C8orf88: variants seen among roughly 807,000 people sequenced by gnomAD.
The protein encoded by C8orf88 is chromosome 8 open reading frame 88.
In C8orf88, 14 loss-of-function variants were observed where a neutral mutation model predicts 18.4. The ratio of observed to expected loss-of-function variants is 0.76; its 90% confidence interval spans 0.50 to 1.19. C8orf88 has a LOEUF of 1.19. Ranked by LOEUF, C8orf88 falls within the 50% of genes most tolerant of loss-of-function variation. The pLI, the probability that C8orf88 is intolerant of heterozygous loss-of-function variation, is 0.00. For synonymous variants in C8orf88, 45 were observed against 42.9 expected (o/e 1.05, Z -0.19); for missense variants, 116 against 134.7 (o/e 0.86, Z 0.69).
chr8:90,968,727 A>G (rs76252227), intron 4 of C8orf88, among the ~76,000 whole-genome samples: 5,186 of 138,726 alleles, frequency 0.037, 391 homozygotes, highest in African/African-American at 0.13. Context: ...GGAGAATAAT[A>G]GATAATAGAT....
intron 4 of C8orf88, among the ~76,000 whole-genome samples, chr8:90,969,912 A>T (rs1338539426): frequency 6.6e-6 from 1 of 151,934 alleles, no homozygotes; most frequent in Non-Finnish European, 1.5e-5. Context: ...CAACTAGTCC[A>T]TATTGGAATA....
At chr8:90,976,956 T>C (rs1460366898) in intron 3 of C8orf88, among the ~76,000 whole-genome samples, 2 of 152,080 alleles carry the variant, frequency 1.3e-5, no homozygotes, top group Non-Finnish European at 2.9e-5. Flanking sequence ...CATTAATATT[T>C]AAAACTTTTA....
chr8:90,976,452 T>C (rs981735519), intron 3 of C8orf88, among the ~76,000 whole-genome samples: 18 of 152,230 alleles, frequency 1.2e-4, no homozygotes, highest in African/African-American at 4.1e-4. Flanking sequence ...TTTTTACATA[T>C]AAAGTGAAAG....
intron 4 of C8orf88, among the ~76,000 whole-genome samples, chr8:90,962,547 A>C (rs372362022): frequency 3.6e-4 from 54 of 151,700 alleles, no homozygotes; most frequent in African/African-American, 1.2e-3. Context: ...AAAATAGCTA[A>C]ATTTGGGAAA....
At chr8:90,968,437 G>C (rs963327410) in intron 4 of C8orf88, among the ~76,000 whole-genome samples, 1 of 151,146 alleles carries the variant, frequency 6.6e-6, no homozygotes, top group African/African-American at 2.4e-5. Context: ...ACTCAAAATA[G>C]ATAAAAGACC....
At chr8:90,981,510 T>C (rs1306492469) in intron 1 of C8orf88, among the ~76,000 whole-genome samples, 1 of 152,122 alleles carries the variant, frequency 6.6e-6, no homozygotes, top group African/African-American at 2.4e-5. Context: ...TTAAATAAAA[T>C]AGTCTACATG....
In C8orf88 at chr8:90,960,835, G is replaced by A. The variant is rs890163996; in HGVS notation, c.237C>T (p.Tyr79=). Residue 79 remains tyrosine (Y), a synonymous_variant, in exon 5 of 6, where the codon TAC becomes TAT. Transcript: ENST00000517562. Reference sequence around the variant, plus strand: ...AGAGCTTCAACAGGAAATCTCTGCTGTATTTAATTCTCTCTGTAGATATTA... The same window carrying A: ...AGAGCTTCAACAGGAAATCTCTGCTATATTTAATTCTCTCTGTAGATATTA... ...QSPVKKERIK[Y]SRDFLLKLSS... 15 of 1,523,304 alleles carry A rather than the reference G, an allele frequency of 9.8e-6. No individual in the cohort carries two copies. The highest frequency in any genetic ancestry group is 1.4e-5 in the African/African-American group (1 of 72,568). The allele number at this position is 1,523,304 out of a possible 1,614,324, so 94.4% of individuals were successfully genotyped here.
At chr8:90,978,825 A>T (rs1020568430) in intron 2 of C8orf88, among the ~76,000 whole-genome samples, 173 bp from the exon 3 acceptor site, 1 of 152,204 alleles carries the variant, frequency 6.6e-6, no homozygotes, top group African/African-American at 2.4e-5. Context: ...CTGTGTTAAA[A>T]GGATGGACAC....
At chr8:90,963,857 A>C (rs1226449502) in intron 4 of C8orf88, among the ~76,000 whole-genome samples, 1 of 151,664 alleles carries the variant, frequency 6.6e-6, no homozygotes. Flanking sequence ...AAATAATGGG[A>C]GTCCCAGGAG....
At chr8:90,972,763 G>A (rs946050430) in intron 3 of C8orf88, among the ~76,000 whole-genome samples, 1 of 152,056 alleles carries the variant, frequency 6.6e-6, no homozygotes, top group Admixed American at 6.6e-5. Flanking sequence ...AGAAACAGCT[G>A]AGCTAGGTTT....
At chr8:90,973,788 A>G (rs1217774447) in intron 3 of C8orf88, among the ~76,000 whole-genome samples, 1 of 152,046 alleles carries the variant, frequency 6.6e-6, no homozygotes, top group African/African-American at 2.4e-5. Context: ...TGGCCCTTTT[A>G]TATTCTATAG....
chr8:90,968,738 A>G (rs1811241946), intron 4 of C8orf88, among the ~76,000 whole-genome samples: 1 of 143,902 alleles, frequency 6.9e-6, no homozygotes, highest in Non-Finnish European at 1.5e-5. Context: ...GATAATAGAT[A>G]AGAGTCTAAT....
At chr8:90,971,475 T>C (rs989021800) in intron 3 of C8orf88, among the ~76,000 whole-genome samples, 1 of 152,102 alleles carries the variant, frequency 6.6e-6, no homozygotes, top group African/African-American at 2.4e-5. Flanking sequence ...ATTTAATTGA[T>C]GAAAACAACA....
chr8:90,968,278 C>T (rs1022172912), intron 4 of C8orf88, among the ~76,000 whole-genome samples: 6 of 151,618 alleles, frequency 4.0e-5, no homozygotes, highest in Non-Finnish European at 3.0e-5. Context: ...TAAACACATA[C>T]ACCTATAGTC....
upstream of C8orf88, chr8:90,985,344 C>T (rs1029991327): frequency 2.0e-5 from 3 of 151,430 alleles, no homozygotes; most frequent in Admixed American, 2.0e-4. Context: ...GGCGTGGCCT[C>T]GGGCGCTGAG....
Position 90,978,666 on chromosome 8 carries a change from AAG to A in C8orf88, c.74-16_74-15del, listed in dbSNP as rs1811388473. 1 of 1,453,698 alleles carries A rather than the reference AAG, an allele frequency of 6.9e-7. No individual in the cohort carries two copies. Among genetic ancestry groups the A allele is most frequent in the African/African-American group, 1.4e-5 (1 of 70,436 alleles). The allele number at this position is 1,453,698 out of a possible 1,614,324, so 90.0% of individuals were successfully genotyped here. A position where few individuals can be genotyped will look rare whatever the true frequency, so the allele number is the denominator to read the frequency against. ...GGAACACTGCTCCTGTTAGGAGAGG[AAG>A]AAAACAATTTCATAGATCTATTATT... is the stretch of plus-strand genomic sequence containing the variant. On this transcript the variant is annotated splice_polypyrimidine_tract_variant and intron_variant, in intron 2 of 5. Transcript: ENST00000517562.
At chr8:90,968,530 G>C (rs1256835986) in intron 4 of C8orf88, among the ~76,000 whole-genome samples, 1 of 150,724 alleles carries the variant, frequency 6.6e-6, no homozygotes, top group Non-Finnish European at 1.5e-5. Flanking sequence ...TGATTTGTTA[G>C]ATATGACACC....
At chr8:90,976,805 C>G (rs1333763029) in intron 3 of C8orf88, among the ~76,000 whole-genome samples, 2 of 152,012 alleles carry the variant, frequency 1.3e-5, no homozygotes, top group East Asian at 3.8e-4. Flanking sequence ...AAAAAATCAC[C>G]TTGAGGTAGA....
At chr8:90,982,777 T>C (rs532949344) in intron 1 of C8orf88, among the ~76,000 whole-genome samples, 1 of 152,190 alleles carries the variant, frequency 6.6e-6, no homozygotes, top group South Asian at 2.1e-4. Flanking sequence ...TTTTTTAAAG[T>C]AAACGATGCC....
Sources: gnomAD v4.1 joint callset for allele counts (sites outside exome capture counted in the v4.1 genomes callset) on GRCh38, gnomAD v4.1.1 for gene constraint, MANE v1.5 for transcripts, NCBI Gene and HGNC (gene_info 2026-07-23, HGNC 2026-07-21) for gene names.